The following RBMS3 variants were observed in gnomAD, a reference collection of about 807,000 sequenced individuals.
RBMS3 encodes the protein RNA binding motif single stranded interacting protein 3, also known as RNA-binding motif, single-stranded-interacting protein 3.
Under a neutral mutation model 66.8 loss-of-function variants are expected in RBMS3, and 27 were observed. The observed-to-expected ratio is 0.40, with a 90% confidence interval of 0.30 to 0.56. RBMS3 has a LOEUF of 0.56. Ranked by LOEUF, RBMS3 falls within the 20% of genes least tolerant of loss-of-function variation. The probability of loss-of-function intolerance (pLI) is 0.40; values close to 1 mark genes in which losing one functional copy is unlikely to be tolerated. For synonymous variants in RBMS3, 188 were observed against 183.0 expected, an observed-to-expected ratio of 1.03 and a Z score of -0.22; for missense variants, 513 against 549.5, an observed-to-expected ratio of 0.93 and a Z score of 0.66.
chr3:29,644,901 A>G (rs1486358080), intron 4 of RBMS3, among the ~76,000 whole-genome samples: 3 of 152,212 alleles, frequency 2.0e-5, no homozygotes, highest in Admixed American at 2.0e-4. Context: ...ATCAACTTAC[A>G]TAACATCTTT....
chr3:29,669,111 A>G (rs2050886783), intron 4 of RBMS3, among the ~76,000 whole-genome samples: 1 of 152,198 alleles, frequency 6.6e-6, no homozygotes, highest in Non-Finnish European at 1.5e-5. Flanking sequence ...CTGCTCTGAC[A>G]AAAAGCTATT....
At chr3:29,658,202 C>T (rs2050393299) in intron 4 of RBMS3, among the ~76,000 whole-genome samples, 1 of 152,166 alleles carries the variant, frequency 6.6e-6, no homozygotes, top group Non-Finnish European at 1.5e-5. Flanking sequence ...GATCTTATAA[C>T]ATTATGCATG....
intron 1 of RBMS3, among the ~76,000 whole-genome samples, chr3:29,293,331 C>T (rs926189956): frequency 6.6e-6 from 1 of 151,654 alleles, no homozygotes; most frequent in Non-Finnish European, 1.5e-5. Flanking sequence ...GTTGTGAACC[C>T]AGCAAAGCCG....
intron 4 of RBMS3, among the ~76,000 whole-genome samples, chr3:29,680,519 A>C (rs1466012783): frequency 6.6e-6 from 1 of 152,202 alleles, no homozygotes; most frequent in African/African-American, 2.4e-5. Flanking sequence ...CAGTGACTGA[A>C]ATATTTCTTG....
Position 29,556,798 on chromosome 3 carries a change from C to T in RBMS3, c.308-30316C>T, listed in dbSNP as rs577778271. On this transcript the variant is annotated intron_variant, in intron 3 of 14. Coordinates refer to ENST00000383767, the MANE Select transcript of RBMS3 (RefSeq NM_001003793.3). ...TTCTTAGGTTACTGGAGCTGCTTTGCCTGCAGACAAACAGAGCCAAGAGCC... is the reference window on the plus strand; with the variant it reads ...TTCTTAGGTTACTGGAGCTGCTTTGTCTGCAGACAAACAGAGCCAAGAGCC... Among the ~76,000 whole-genome samples, 3 of 152,208 alleles carry T rather than the reference C, an allele frequency of 2.0e-5. No homozygotes were observed. In the South Asian group the frequency reaches 6.2e-4, roughly 32 times the overall value.
At chr3:29,344,630 C>T (rs1400679886) in intron 1 of RBMS3, among the ~76,000 whole-genome samples, 1 of 152,076 alleles carries the variant, frequency 6.6e-6, no homozygotes, top group Non-Finnish European at 1.5e-5. Context: ...TGCAACCAGG[C>T]TACCCTTAGA....
intron 6 of RBMS3, among the ~76,000 whole-genome samples, chr3:29,785,428 A>G (rs1162088768): frequency 1.3e-5 from 2 of 152,114 alleles, no homozygotes; most frequent in Non-Finnish European, 2.9e-5. Flanking sequence ...AGAACTAGAA[A>G]AAACAATCCT....
intron 1 of RBMS3, among the ~76,000 whole-genome samples, chr3:29,399,100 C>T (rs2039689094): frequency 6.6e-6 from 1 of 152,118 alleles, no homozygotes; most frequent in Non-Finnish European, 1.5e-5. Context: ...TTAGCCCTGC[C>T]TCATTTCCCT....
chr3:29,392,924 AG>A (rs1393272329), intron 1 of RBMS3, among the ~76,000 whole-genome samples: 1 of 151,880 alleles, frequency 6.6e-6, no homozygotes, highest in Non-Finnish European at 1.5e-5. Context: ...CAAGAAAAAA[AG>A]GAAGACTTAT....
At chr3:29,418,587 G>C (rs1460878477) in intron 1 of RBMS3, among the ~76,000 whole-genome samples, 1 of 152,052 alleles carries the variant, frequency 6.6e-6, no homozygotes, top group Non-Finnish European at 1.5e-5. Flanking sequence ...TCACTCTTCT[G>C]CATGACTAAA....
chr3:29,678,387 G>C (rs1353723271), intron 4 of RBMS3, among the ~76,000 whole-genome samples: 1 of 152,052 alleles, frequency 6.6e-6, no homozygotes, highest in Admixed American at 6.6e-5. Flanking sequence ...ACACCAAACA[G>C]TAAAGAAAAA....
chr3:29,967,217 A>C (rs1451371641), intron 12 of RBMS3, among the ~76,000 whole-genome samples: 1 of 152,190 alleles, frequency 6.6e-6, no homozygotes, highest in Non-Finnish European at 1.5e-5. Flanking sequence ...GGAATGAATT[A>C]GGGAGGTTCC....
At chr3:29,798,246 G>A in intron 6 of RBMS3, among the ~76,000 whole-genome samples, 1 of 137,632 alleles carries the variant, frequency 7.3e-6, no homozygotes, top group Non-Finnish European at 1.6e-5. Context: ...AAGGAAGGAA[G>A]GACAGAAGAA....
At chr3:29,511,954 G>A (rs761504494) in intron 3 of RBMS3, among the ~76,000 whole-genome samples, 5 of 152,032 alleles carry the variant, frequency 3.3e-5, no homozygotes, top group Non-Finnish European at 5.9e-5. Flanking sequence ...AAAGGCAAGC[G>A]TTCCCAGTAA....
At chr3:29,346,913 C>A (rs1261895383) in intron 1 of RBMS3, among the ~76,000 whole-genome samples, 4 of 152,186 alleles carry the variant, frequency 2.6e-5, no homozygotes, top group African/African-American at 9.6e-5. Flanking sequence ...CTTTGGCCTG[C>A]AAACATAACA....
intron 2 of RBMS3, among the ~76,000 whole-genome samples, chr3:29,446,826 A>G (rs1386220246): frequency 1.3e-5 from 2 of 151,794 alleles, no homozygotes; most frequent in Non-Finnish European, 2.9e-5. Flanking sequence ...CTTTAGGGTG[A>G]ATCAGTTCTT....
intron 12 of RBMS3, among the ~76,000 whole-genome samples, chr3:29,965,260 C>A (rs1577266415): frequency 1.3e-5 from 2 of 152,096 alleles, no homozygotes; most frequent in African/African-American, 4.8e-5. Flanking sequence ...ATTGCTGGAT[C>A]AAATGGTAGT....
intron 8 of RBMS3, among the ~76,000 whole-genome samples, chr3:29,893,160 A>G (rs2060045033): frequency 6.6e-6 from 1 of 151,504 alleles, no homozygotes; most frequent in East Asian, 1.9e-4. Flanking sequence ...TTCTTCCCAG[A>G]ACATTTTCAG....
rs1577121700 is a variant in RBMS3, at chr3:29,910,270, A to G, written c.939+10515A>G. 3.9e-5 allele frequency among the ~76,000 whole-genome samples: 6 copies of G among 152,212 alleles called. 1 individual carries two copies. Among genetic ancestry groups the G allele is most frequent in the Admixed American group, 3.9e-4 (6 of 15,258 alleles). On this transcript the variant is annotated intron_variant, in intron 10 of 14. Transcript: ENST00000383767. ...GTAGGGTAGATCATTTACTTTATAA[A>G]TGTTACCAGGGTAACAGAAACTACT...
Sources: allele counts gnomAD v4.1 joint callset (sites outside exome capture counted in the v4.1 genomes callset), GRCh38; gene constraint gnomAD v4.1.1; transcripts MANE v1.5; gene names NCBI Gene and HGNC (gene_info 2026-07-23, HGNC 2026-07-21).